ZNF628: variants seen among roughly 807,000 people sequenced by gnomAD.
ZNF628 encodes zinc finger protein Zec.
ZNF628 carries 3 observed loss-of-function variants against 2.5 expected under a neutral mutation model. The observed-to-expected ratio is 1.19, with a 90% confidence interval of 0.54 to 3.07. ZNF628 has a LOEUF of 3.07. Among genes scored for constraint, ZNF628 ranks in the 30% most tolerant of loss-of-function variants. The pLI, the probability that ZNF628 is intolerant of heterozygous loss-of-function variation, is 0.03. For missense variants in ZNF628, 1,610 were observed against 1,517.1 expected, an observed-to-expected ratio of 1.06 and a Z score of -1.02; for synonymous variants, 861 against 717.1, an observed-to-expected ratio of 1.20 and a Z score of -3.21.
At position 55,479,724 on chromosome 19, in the gene ZNF628, C is replaced by T. The variant is rs896357797; in HGVS notation, c.-77-110C>T. 2 of 388,494 alleles carry T rather than the reference C, an allele frequency of 5.1e-6. No individual in the cohort carries two copies. The highest frequency in any genetic ancestry group is 9.1e-6 in the Non-Finnish European group (2 of 219,938). The allele number at this position is 388,494 out of a possible 1,614,324, so 24.1% of individuals were successfully genotyped here. A position where few individuals can be genotyped will look rare whatever the true frequency, so the allele number is the denominator to read the frequency against. On this transcript the variant is annotated intron_variant, in intron 1 of 2. Coordinates refer to ENST00000598519, the MANE Select transcript of ZNF628 (RefSeq NM_033113.3). This position sits in a 1 kb window ranked among gnomAD's most constrained non-coding sequence, Gnocchi z 5.1. Reference sequence around the variant, plus strand: ...ACAGATAACCCCAAATGCCTCCAGGCATTGCGGGATGTCCCCTGGGTTGAA... The same window carrying T: ...ACAGATAACCCCAAATGCCTCCAGGTATTGCGGGATGTCCCCTGGGTTGAA...
intron 2 of ZNF628, among the ~76,000 whole-genome samples, chr19:55,480,309 G>A (rs1986668342): frequency 6.9e-6 from 1 of 145,620 alleles, no homozygotes; most frequent in African/African-American, 2.6e-5. Context: ...ACAGTGGTGT[G>A]ATCTCGGCTT....
At position 55,483,344 on chromosome 19, in the gene ZNF628, T is replaced by G. The variant is rs766915014; in HGVS notation, c.2151T>G (p.Thr717=). The change falls in exon 3 of 3, where the codon ACT becomes ACG. Residue 717 remains threonine (T), a synonymous_variant. Transcript: ENST00000598519. The part of the protein sequence containing the change: ...PNSQTFLLVQ[T]AQGLQLIPSS... Reference sequence around the variant, plus strand: ...CTCAGACGTTCCTCCTGGTGCAAACTGCCCAGGGCCTCCAGCTGATCCCCA... The same window carrying G: ...CTCAGACGTTCCTCCTGGTGCAAACGGCCCAGGGCCTCCAGCTGATCCCCA... 6.5e-7 allele frequency: 1 copy of G among 1,540,076 alleles called. No homozygotes were observed. The highest frequency in any genetic ancestry group is 1.2e-5 in the South Asian group (1 of 83,636).
In ZNF628 at chr19:55,479,720, C is replaced by T; in HGVS notation, c.-77-114C>T. 2.6e-6 allele frequency: 1 copy of T among 387,826 alleles called. No homozygotes were observed. The allele number at this position is 387,826 out of a possible 1,614,324, so 24.0% of individuals were successfully genotyped here. A position where few individuals can be genotyped will look rare whatever the true frequency, so the allele number is the denominator to read the frequency against. On this transcript the variant is annotated intron_variant, in intron 1 of 2. Coordinates refer to ENST00000598519, the MANE Select transcript of ZNF628 (RefSeq NM_033113.3). The surrounding 1 kb of genome is among the most constrained non-coding windows in gnomAD (Gnocchi z 5.1). ...GTTAACAGATAACCCCAAATGCCTC[C>T]AGGCATTGCGGGATGTCCCCTGGGT...
Position 55,481,504 on chromosome 19 carries a change from C to T in ZNF628, c.311C>T (p.Ser104Phe), listed in dbSNP as rs1986699185. 6.2e-7 allele frequency: 1 copy of T among 1,612,682 alleles called. No homozygotes were observed. Among genetic ancestry groups the T allele is most frequent in the Non-Finnish European group, 8.5e-7 (1 of 1,179,648 alleles). Reference sequence around the variant, plus strand: ...GACTGTCCCAAGGCCTTCAAGCGCTCCTCTCTGCTGCAGATCCACCGTAGC... The same window carrying T: ...GACTGTCCCAAGGCCTTCAAGCGCTTCTCTCTGCTGCAGATCCACCGTAGC... ...CPDCPKAFKR[S>F]SLLQIHRSVH... The change falls in exon 3 of 3, where the codon TCC becomes TTC. Residue 104 changes from serine to phenylalanine, a missense_variant. This residue lies in a region of ZNF628 where 166 missense variants were observed against 241.3 expected (regional missense o/e 0.69). Transcript: ENST00000598519.
Position 55,481,506 on chromosome 19 carries a change from T to A in ZNF628, c.313T>A (p.Ser105Thr). 1.2e-6 allele frequency: 2 copies of A among 1,611,644 alleles called. No homozygotes were observed. The highest frequency in any genetic ancestry group is 2.2e-5 in the South Asian group (2 of 91,012). The change falls in exon 3 of 3, where the codon TCT (serine) becomes ACT (threonine). Residue 105 changes from serine (S) to threonine (T), a missense_variant. Physicochemically the swap from Ser to Thr is moderately conservative, Grantham distance 58 (BLOSUM62 1). Around this residue, in one of 5 missense-constraint regions of ZNF628, gnomAD observed 166 missense variants for 241.3 expected, o/e 0.69. Coordinates refer to ENST00000598519, the MANE Select transcript of ZNF628 (RefSeq NM_033113.3). The part of the protein sequence containing the change: ...PDCPKAFKRS[S>T]LLQIHRSVHT... ...CTGTCCCAAGGCCTTCAAGCGCTCC[T>A]CTCTGCTGCAGATCCACCGTAGCGT... is the stretch of plus-strand genomic sequence containing the variant.
In ZNF628 at chr19:55,481,913, C is replaced by T; in HGVS notation, c.720C>T (p.Pro240=). 1 of 1,481,486 alleles carries T rather than the reference C, an allele frequency of 6.7e-7. No homozygotes were observed. The highest frequency in any genetic ancestry group is 8.9e-7 in the Non-Finnish European group (1 of 1,120,394). 91.8% of individuals were successfully genotyped at this position (1,481,486 alleles called of 1,614,324 possible). A position where few individuals can be genotyped will look rare whatever the true frequency, so the allele number is the denominator to read the frequency against. The change falls in exon 3 of 3, where the codon CCC becomes CCT. Residue 240 remains proline (P), a synonymous_variant. Coordinates refer to ENST00000598519, the MANE Select transcript of ZNF628 (RefSeq NM_033113.3). ...PAPGTASAAP[P]PQSREPGKVF... ...CGGGTACCGCCTCCGCGGCCCCGCC[C>T]CCCCAGTCCCGGGAGCCCGGCAAGG... is the stretch of plus-strand genomic sequence containing the variant.
chr19:55,478,262 A>G (rs932452885), intron 1 of ZNF628, among the ~76,000 whole-genome samples: 2 of 152,330 alleles, frequency 1.3e-5, no homozygotes, highest in South Asian at 2.1e-4. Flanking sequence ...CGGGGGAAAA[A>G]TAAGGCAGGA....
chr19:55,484,419 CA>C lies in ZNF628; in HGVS notation c.*47del. 1 of 1,401,018 alleles carries C rather than the reference CA, an allele frequency of 7.1e-7. No homozygotes were observed. Among genetic ancestry groups the C allele is most frequent in the East Asian group, 2.7e-5 (1 of 37,472 alleles). 86.8% of individuals were successfully genotyped at this position (1,401,018 alleles called of 1,614,324 possible). On this transcript the variant is annotated 3_prime_UTR_variant, in exon 3 of 3. Transcript: ENST00000598519. ...CCCGCCCCGCACAGAGACCCCGACT[CA>C]CTGCCAGCCGGGGCGGGGCAGGGTG...
Position 55,482,009 on chromosome 19 carries a change from G to GCCCCCGCCC in ZNF628, c.819_827dup (p.Pro275_Pro277dup), listed in dbSNP as rs1306998614. ...GCCCGCCCGCGCCTCCCGCCCCGCC[G>GCCCCCGCCC]CCCCCGCCCCCGCCCGTGGTGCCTG... On this transcript the variant is annotated inframe_insertion, in exon 3 of 3. Transcript: ENST00000598519. 6.5e-6 allele frequency: 8 copies of GCCCCCGCCC among 1,223,026 alleles called. No individual in the cohort carries two copies. In the African/African-American group the frequency reaches 1.4e-4, roughly 22 times the overall value. The allele number at this position is 1,223,026 out of a possible 1,614,324, so 75.8% of individuals were successfully genotyped here. A position where few individuals can be genotyped will look rare whatever the true frequency, so the allele number is the denominator to read the frequency against.
rs764282539 is a variant in ZNF628, at chr19:55,484,076, G to C, written c.2883G>C (p.Leu961=). 3 of 1,592,762 alleles carry C rather than the reference G, an allele frequency of 1.9e-6. No individual in the cohort carries two copies. The South Asian group carries it at 3.4e-5, about 18-fold the overall frequency. ...VQEVETLPPG[L]TEPPATGPPG... Reference sequence around the variant, plus strand: ...AGGTAGAAACACTTCCTCCTGGGCTGACGGAGCCGCCTGCCACCGGCCCAC... The same window carrying C: ...AGGTAGAAACACTTCCTCCTGGGCTCACGGAGCCGCCTGCCACCGGCCCAC... Residue 961 remains leucine, a synonymous_variant, in exon 3 of 3, where the codon CTG becomes CTC. Transcript: ENST00000598519.
At chr19:55,478,564 AT>A (rs781162731) in intron 1 of ZNF628, among the ~76,000 whole-genome samples, 2 of 152,190 alleles carry the variant, frequency 1.3e-5, no homozygotes, top group Non-Finnish European at 2.9e-5. Context: ...ACTGTGGCAG[AT>A]TTCTGAGTAC....
At chr19:55,478,483 C>G (rs1986617702) in intron 1 of ZNF628, among the ~76,000 whole-genome samples, 1 of 152,104 alleles carries the variant, frequency 6.6e-6, no homozygotes, top group Admixed American at 6.6e-5. Context: ...GGCAGGTGGC[C>G]AGTGAGGATA....
Position 55,483,726 on chromosome 19 carries a change from C to G in ZNF628, c.2533C>G (p.Leu845Val). 6.2e-7 allele frequency: 1 copy of G among 1,612,764 alleles called. No homozygotes were observed. Among genetic ancestry groups the G allele is most frequent in the Non-Finnish European group, 8.5e-7 (1 of 1,179,194 alleles). The change falls in exon 3 of 3, where the codon CTC (leucine) becomes GTC (valine). Residue 845 changes from leucine (L) to valine (V), a missense_variant. Transcript: ENST00000598519. ...QPAQEVTTVQ[L>V]QPAQEVTTVQ... ...AGCGCAGGAGGTGACCACAGTCCAGCTCCAGCCAGCACAGGAAGTAACCAC... is the reference window on the plus strand; with the variant it reads ...AGCGCAGGAGGTGACCACAGTCCAGGTCCAGCCAGCACAGGAAGTAACCAC...
In ZNF628 at chr19:55,482,219, G is replaced by A. The variant is rs1167107248; in HGVS notation, c.1026G>A (p.Leu342=). The change falls in exon 3 of 3, where the codon CTG becomes CTA. Residue 342 remains leucine (L), a synonymous_variant. Transcript: ENST00000598519. ...APKADQPPSP[L]PQPPPPAAAP... The stretch of plus-strand genomic sequence containing the variant: ...AGGCCGACCAGCCACCGTCCCCTCT[G>A]CCGCAGCCCCCTCCTCCCGCCGCCG... The A allele has an allele frequency of 6.8e-7, 1 of 1,466,102 alleles. No individual in the cohort carries two copies. Among genetic ancestry groups the A allele is most frequent in the Non-Finnish European group, 9.0e-7 (1 of 1,116,036 alleles). 90.8% of individuals were successfully genotyped at this position (1,466,102 alleles called of 1,614,324 possible). A position where few individuals can be genotyped will look rare whatever the true frequency, so the allele number is the denominator to read the frequency against.
At position 55,484,227 on chromosome 19, in the gene ZNF628, C is replaced by T. The variant is rs1182566951; in HGVS notation, c.3034C>T (p.Pro1012Ser). ...ACCGCCGTCAGGCCCAGCCTCGGGC[C>T]CCGCGGGGCTCCCCGGGGCTCCAGC... ...APPPSGPASGPAGLPGAPASQ... is the reference protein window; with the variant it reads ...APPPSGPASGSAGLPGAPASQ... Residue 1012 changes from proline (P) to serine (S), a missense_variant, in exon 3 of 3, where the codon CCC becomes TCC. Physicochemically the swap from Pro to Ser is moderately conservative, Grantham distance 74. Transcript: ENST00000598519. 6 of 1,548,446 alleles carry T rather than the reference C, an allele frequency of 3.9e-6. No individual in the cohort carries two copies. The highest frequency in any genetic ancestry group is 5.2e-6 in the Non-Finnish European group (6 of 1,146,334).
chr19:55,481,751 G>T lies in ZNF628; in HGVS notation c.558G>T (p.Thr186=). ...GTGGAGTCTGCGGGAAGAGCTTCAC[G>T]CAGAGCACCAACCTGCGGCAGCACC... ...YTCGVCGKSF[T]QSTNLRQHQR... Residue 186 remains threonine, a synonymous_variant, in exon 3 of 3, where the codon ACG becomes ACT. Coordinates refer to ENST00000598519, the MANE Select transcript of ZNF628 (RefSeq NM_033113.3). 6.2e-7 allele frequency: 1 copy of T among 1,610,850 alleles called. No homozygotes were observed. The highest frequency in any genetic ancestry group is 8.5e-7 in the Non-Finnish European group (1 of 1,178,894).
intron 2 of ZNF628, among the ~76,000 whole-genome samples, chr19:55,480,954 C>T (rs1986683395): frequency 6.6e-6 from 1 of 152,210 alleles, no homozygotes; most frequent in Non-Finnish European, 1.5e-5. Flanking sequence ...CCTGGCTAGC[C>T]TCCTAAGGAG....
chr19:55,478,357 CG>C (rs1162482657), intron 1 of ZNF628, among the ~76,000 whole-genome samples: 1 of 152,098 alleles, frequency 6.6e-6, no homozygotes, highest in Non-Finnish European at 1.5e-5. Flanking sequence ...AGCGAAGACT[CG>C]GAGGTGAAAG....
In ZNF628 at chr19:55,482,306, C is replaced by G; in HGVS notation, c.1113C>G (p.Leu371=). 7 of 1,468,550 alleles carry G rather than the reference C, an allele frequency of 4.8e-6. No homozygotes were observed. Among genetic ancestry groups the G allele is most frequent in the South Asian group, 3.8e-5 (3 of 78,178 alleles). The allele number at this position is 1,468,550 out of a possible 1,614,324, so 91.0% of individuals were successfully genotyped here. The change falls in exon 3 of 3, where the codon CTC becomes CTG. Residue 371 remains leucine (L), a synonymous_variant. Transcript: ENST00000598519. Reference sequence around the variant, plus strand: ...AGTCCTTCCGGACGGTGGCTGGGCTCTCCCGCCACCAGCACAGCCACGGGG... The same window carrying G: ...AGTCCTTCCGGACGGTGGCTGGGCTGTCCCGCCACCAGCACAGCCACGGGG... The part of the protein sequence containing the change: ...CGKSFRTVAG[L]SRHQHSHGAA...
Sources: gnomAD v4.1 joint callset for allele counts (sites outside exome capture counted in the v4.1 genomes callset) on GRCh38, gnomAD v4.1.1 for gene constraint, gnomAD v4.1.1 regional missense constraint, Gnocchi (gnomAD v3.1) non-coding constraint, MANE v1.5 for transcripts, NCBI Gene and HGNC (gene_info 2026-07-23, HGNC 2026-07-21) for gene names.